Variants in STX8 observed in about 807,000 individuals in gnomAD.
The protein encoded by STX8 is syntaxin-8.
Under a neutral mutation model 37.5 loss-of-function variants are expected in STX8, and 23 were observed. The observed-to-expected ratio is 0.61, with a 90% CI of 0.44 to 0.87. The LOEUF (loss-of-function observed/expected upper bound fraction) is 0.87, where lower values mean the gene tolerates loss of function less well. Ranked by LOEUF, STX8 falls within the 40% of genes least tolerant of loss-of-function variation. The pLI, the probability that STX8 is intolerant of heterozygous loss-of-function variation, is 0.00. For missense variants in STX8, 313 were observed against 284.7 expected, an observed-to-expected ratio of 1.10 and a Z score of -0.71; for synonymous variants, 115 against 99.1, an observed-to-expected ratio of 1.16 and a Z score of -0.95.
chr17:9,451,829 T>A (rs553855886), intron 6 of STX8, among the ~76,000 whole-genome samples: 5 of 152,258 alleles, frequency 3.3e-5, no homozygotes, highest in Non-Finnish European at 5.9e-5. Context: ...CATGAATTCT[T>A]AGAAAACGGA....
At chr17:9,410,430 G>A (rs895382154) in intron 6 of STX8, among the ~76,000 whole-genome samples, 25 of 151,968 alleles carry the variant, frequency 1.6e-4, no homozygotes, top group Non-Finnish European at 7.4e-5. Flanking sequence ...TGTACAAATC[G>A]GCATTTCTCT....
chr17:9,459,100 C>T (rs1455508589), intron 6 of STX8, among the ~76,000 whole-genome samples: 2 of 151,716 alleles, frequency 1.3e-5, no homozygotes, highest in Non-Finnish European at 2.9e-5. Flanking sequence ...CCAAAGTGCT[C>T]GAATTACAGG....
At chr17:9,557,337 G>A (rs983864873) in intron 3 of STX8, 97 bp downstream of exon 3, 48 of 965,962 alleles carry the variant, frequency 5.0e-5, no homozygotes, top group Non-Finnish European at 7.0e-5. Context: ...TCCTCAAGCT[G>A]TGGGAAAATC....
rs1041798644 is a variant in STX8 at position 9,439,819 on chromosome 17, A to G, written c.541+52010T>C. Among the ~76,000 whole-genome samples the G allele has an allele frequency of 4.6e-5, 7 of 152,056 alleles. 1 individual carries two copies. Among genetic ancestry groups the G allele is most frequent in the African/African-American group, 1.7e-4 (7 of 41,390 alleles). Reference sequence around the variant, plus strand: ...GGCCAAATTTTGCAATTTTTTAATCAGGAAAGCACCATCAATACTGCTTCC... The same window carrying G: ...GGCCAAATTTTGCAATTTTTTAATCGGGAAAGCACCATCAATACTGCTTCC... On this transcript the variant is annotated intron_variant, in intron 6 of 7. Transcript: ENST00000306357.
chr17:9,569,353 G>A (rs1390400509), intron 1 of STX8: 1 of 154,528 alleles, frequency 6.5e-6, no homozygotes, highest in East Asian at 1.9e-4. Flanking sequence ...GAGTGATAAG[G>A]AGCTGCTACT....
At chr17:9,574,734 A>G (rs1413266815) in intron 1 of STX8, among the ~76,000 whole-genome samples, 1 of 152,172 alleles carries the variant, frequency 6.6e-6, no homozygotes, top group East Asian at 1.9e-4. Flanking sequence ...GGGTTTCTCC[A>G]TGTTGGTCAG....
chr17:9,375,881 C>G (rs1024841365), intron 7 of STX8, among the ~76,000 whole-genome samples: 1 of 152,072 alleles, frequency 6.6e-6, no homozygotes, highest in African/African-American at 2.4e-5. Flanking sequence ...CCTGAGGTCA[C>G]GCAGCTAGAG....
intron 2 of STX8, among the ~76,000 whole-genome samples, chr17:9,559,734 T>TTATATATATATATATATA (rs1009971082): frequency 8.2e-5 from 4 of 48,752 alleles, no homozygotes; most frequent in African/African-American, 2.8e-4. Context: ...TATTATTATT[T>TTATATATATATATATATA]TATATATATA....
At chr17:9,429,393 T>G (rs998877451) in intron 6 of STX8, among the ~76,000 whole-genome samples, 2 of 144,972 alleles carry the variant, frequency 1.4e-5, no homozygotes, top group Non-Finnish European at 3.0e-5. Context: ...TATTTATATA[T>G]TATAAATATA....
intron 6 of STX8, among the ~76,000 whole-genome samples, chr17:9,417,277 C>T (rs772189554): frequency 6.6e-6 from 1 of 151,986 alleles, no homozygotes; most frequent in African/African-American, 2.4e-5. Flanking sequence ...TAGATGATTA[C>T]AGAGTTAGGG....
chr17:9,527,699 C>A (rs1179534786), intron 4 of STX8, among the ~76,000 whole-genome samples: 5 of 152,040 alleles, frequency 3.3e-5, no homozygotes, highest in African/African-American at 1.2e-4. Flanking sequence ...ATCAGAGCAA[C>A]AAAACAAAAT....
chr17:9,347,383 T>C (rs1431529032), intron 7 of STX8, among the ~76,000 whole-genome samples: 1 of 152,224 alleles, frequency 6.6e-6, no homozygotes, highest in Non-Finnish European at 1.5e-5. Flanking sequence ...CAGCTATATA[T>C]GGAAGCTTTT....
chr17:9,420,748 G>A (rs866966583), intron 6 of STX8, among the ~76,000 whole-genome samples: 40 of 152,108 alleles, frequency 2.6e-4, no homozygotes, highest in African/African-American at 8.5e-4. Context: ...TGTTCCTGCC[G>A]AGGTCATCAG....
intron 7 of STX8, among the ~76,000 whole-genome samples, chr17:9,265,492 C>T (rs1907203554): frequency 6.6e-6 from 1 of 152,270 alleles, no homozygotes; most frequent in East Asian, 1.9e-4. Flanking sequence ...GTGCTTCTAA[C>T]AAGAGCCATG....
At chr17:9,468,082 A>C (rs8079031) in intron 6 of STX8, among the ~76,000 whole-genome samples, 53,192 of 152,044 alleles carry the variant, frequency 0.35, 9,570 homozygotes, top group Middle Eastern at 0.39. Context: ...AATAGCGTAG[A>C]AACAATATAG....
intron 4 of STX8, among the ~76,000 whole-genome samples, chr17:9,536,910 ATTTTT>A (rs540349898): frequency 6.6e-6 from 1 of 151,722 alleles, no homozygotes; most frequent in Non-Finnish European, 1.5e-5. Flanking sequence ...TGCCCGGCTA[ATTTTT>A]TTTATTATTT....
At chr17:9,355,542 G>T (rs1160783004) in intron 7 of STX8, among the ~76,000 whole-genome samples, 2 of 139,642 alleles carry the variant, frequency 1.4e-5, no homozygotes, top group Non-Finnish European at 3.0e-5. Flanking sequence ...TCATTCTGTC[G>T]CCCAGGCTGG....
intron 6 of STX8, among the ~76,000 whole-genome samples, chr17:9,421,825 G>T (rs567447850): frequency 6.6e-6 from 1 of 152,188 alleles, no homozygotes; most frequent in African/African-American, 2.4e-5. Context: ...CATGTTGAAG[G>T]AGGGGCCTGT....
chr17:9,343,357 G>A (rs1238212225), intron 7 of STX8, among the ~76,000 whole-genome samples: 11 of 152,108 alleles, frequency 7.2e-5, no homozygotes, highest in Admixed American at 7.2e-4. Context: ...CTACTGCTAG[G>A]TGCAAAACAG....
Sources: gnomAD v4.1 joint callset for allele counts (sites outside exome capture counted in the v4.1 genomes callset) on GRCh38, gnomAD v4.1.1 for gene constraint, MANE v1.5 for transcripts, NCBI Gene and HGNC (gene_info 2026-07-23, HGNC 2026-07-21) for gene names.